Variants in MINAR1 observed in about 807,000 individuals in gnomAD.
MINAR1 encodes the protein major intrinsically disordered Notch2-binding receptor 1.
In MINAR1, 40 loss-of-function variants were observed where a neutral mutation model predicts 65.1. The ratio of observed to expected loss-of-function variants is 0.61; its 90% confidence interval spans 0.48 to 0.80. MINAR1 has a LOEUF of 0.80. Ranked by LOEUF, MINAR1 falls within the 30% of genes least tolerant of loss-of-function variation. MINAR1 has a pLI of 0.00. For missense variants in MINAR1, 1,128 were observed against 1,148.0 expected, an observed-to-expected ratio of 0.98 and a Z score of 0.25; for synonymous variants, 482 against 449.1, an observed-to-expected ratio of 1.07 and a Z score of -0.93.
intron 3 of MINAR1, among the ~76,000 whole-genome samples, chr15:79,466,003 TGGGAAGCTCA>T (rs1895837461): frequency 6.6e-6 from 1 of 152,078 alleles, no homozygotes; most frequent in South Asian, 2.1e-4. Context: ...GGAACTGCTC[TGGGAAGCTCA>T]GGGAAGAGGC....
Position 79,463,230 on chromosome 15 carries a change from C to T in MINAR1, c.2462C>T (p.Ala821Val), listed in dbSNP as rs1030523945. ...LYTDMRLTEL[A>V]EVKRGQPSWT... ...ACAGACATGCGGCTGACCGAGTTGGCCGAGGTGAAGCGGGGCCAACCTTCT... is the reference window on the plus strand; with the variant it reads ...ACAGACATGCGGCTGACCGAGTTGGTCGAGGTGAAGCGGGGCCAACCTTCT... Residue 821 changes from alanine to valine, a missense_variant, in exon 3 of 4, where the codon GCC (alanine) becomes GTC (valine). Transcript: ENST00000305428. The T allele has an allele frequency of 1.2e-6, 2 of 1,614,092 alleles. No homozygotes were observed. The highest frequency in any genetic ancestry group is 1.7e-6 in the Non-Finnish European group (2 of 1,180,046).
chr15:79,443,400 G>C (rs1191114661), intron 1 of MINAR1, among the ~76,000 whole-genome samples: 1 of 152,176 alleles, frequency 6.6e-6, no homozygotes, highest in Non-Finnish European at 1.5e-5. Flanking sequence ...AGGTCCTCCT[G>C]GTTTCACCAG....
intron 1 of MINAR1, among the ~76,000 whole-genome samples, chr15:79,433,408 G>C (rs921141244): frequency 6.6e-6 from 1 of 152,166 alleles, no homozygotes; most frequent in Non-Finnish European, 1.5e-5. Flanking sequence ...TTAATTCAGC[G>C]GGAATTAAGT....
In MINAR1 at chr15:79,463,156, C is replaced by T. The variant is rs370781880; in HGVS notation, c.2388C>T (p.His796=). 2.2e-5 allele frequency: 35 copies of T among 1,614,120 alleles called. No individual in the cohort carries two copies. The highest frequency in any genetic ancestry group is 1.6e-4 in the Middle Eastern group (1 of 6,084). The part of the protein sequence containing the change: ...GFLVEQVFSP[H]PYPASLKAHM... Reference sequence around the variant, plus strand: ...TGGTGGAGCAGGTGTTCAGCCCTCACCCCTACCCTGCCTCCCTCAAGGCCC... The same window carrying T: ...TGGTGGAGCAGGTGTTCAGCCCTCATCCCTACCCTGCCTCCCTCAAGGCCC... Residue 796 remains histidine (H), a synonymous_variant, in exon 3 of 4, where the codon CAC becomes CAT. Coordinates refer to ENST00000305428, the MANE Select transcript of MINAR1 (RefSeq NM_015206.3).
upstream of MINAR1, among the ~76,000 whole-genome samples, chr15:79,428,288 C>CTCCT: frequency 3.3e-5 from 4 of 120,946 alleles, no homozygotes; most frequent in African/African-American, 1.3e-4. Context: ...CTCTCCCTCC[C>CTCCT]TCCCTCCTTC....
chr15:79,452,737 T>TGA (rs1399399782), intron 1 of MINAR1, among the ~76,000 whole-genome samples: 2 of 112,486 alleles, frequency 1.8e-5, no homozygotes, highest in South Asian at 5.9e-4. Context: ...TCTGTGTGGG[T>TGA]GTGTGGGGGG....
intron 2 of MINAR1, among the ~76,000 whole-genome samples, chr15:79,459,965 A>T (rs1895589983): frequency 6.6e-6 from 1 of 152,224 alleles, no homozygotes; most frequent in Admixed American, 6.5e-5. Flanking sequence ...ATCATTGAAC[A>T]GTGGCCATTT....
intron 3 of MINAR1, among the ~76,000 whole-genome samples, chr15:79,467,723 TAGA>T (rs1895921245): frequency 6.6e-6 from 1 of 152,228 alleles, no homozygotes. Context: ...GATTTTTCAG[TAGA>T]AGCTTTTCTG....
At position 79,457,638 on chromosome 15, in the gene MINAR1, G is replaced by C; in HGVS notation, c.1491G>C (p.Lys497Asn). The C allele has an allele frequency of 6.2e-7, 1 of 1,614,170 alleles. No individual in the cohort carries two copies. The highest frequency in any genetic ancestry group is 8.5e-7 in the Non-Finnish European group (1 of 1,180,026). The stretch of plus-strand genomic sequence containing the variant: ...ACCTGTGCACCTCTGGTCAGGGCAA[G>C]TACAGTGACAGGCACACCATGAAGC... ...CRDLCTSGQGKYSDRHTMKHS... is the reference protein window; with the variant it reads ...CRDLCTSGQGNYSDRHTMKHS... The change falls in exon 2 of 4, where the codon AAG (lysine) becomes AAC (asparagine). Residue 497 changes from lysine to asparagine, a missense_variant. Physicochemically the swap from Lys to Asn is moderately conservative, Grantham distance 94. Coordinates refer to ENST00000305428, the MANE Select transcript of MINAR1 (RefSeq NM_015206.3).
At chr15:79,425,162 C>G in the MINAR1 span, 1 of 152,140 alleles carries the variant, frequency 6.6e-6, no homozygotes, top group African/African-American at 2.4e-5. Flanking sequence ...ACCTCCGTCC[C>G]CCAAGTAGCT....
At chr15:79,440,881 G>A (rs547206055) in intron 1 of MINAR1, among the ~76,000 whole-genome samples, 1 of 151,870 alleles carries the variant, frequency 6.6e-6, no homozygotes, top group Admixed American at 6.6e-5. Flanking sequence ...CTTATTATCT[G>A]TCTCCCCCAC....
intron 2 of MINAR1, among the ~76,000 whole-genome samples, chr15:79,461,487 A>C (rs998473534): frequency 2.1e-4 from 32 of 152,358 alleles, no homozygotes; most frequent in African/African-American, 6.7e-4. Flanking sequence ...CAGACTCTGC[A>C]TGCAATAGGA....
At position 79,458,425 on chromosome 15, in the gene MINAR1, T is replaced by A. The variant is rs761742913; in HGVS notation, c.2278T>A (p.Trp760Arg). ...KDTGPGDNKDWHRKSKEADRQ... is the reference protein window; with the variant it reads ...KDTGPGDNKDRHRKSKEADRQ... Reference sequence around the variant, plus strand: ...CACAGGCCCAGGAGATAATAAAGACTGGCATCGGAAATCTAAAGAGGTAAT... The same window carrying A: ...CACAGGCCCAGGAGATAATAAAGACAGGCATCGGAAATCTAAAGAGGTAAT... The change falls in exon 2 of 4, where the codon TGG (tryptophan) becomes AGG (arginine). Residue 760 changes from tryptophan (W) to arginine (R), a missense_variant. Transcript: ENST00000305428. 7 of 1,610,482 alleles carry A rather than the reference T, an allele frequency of 4.3e-6. No homozygotes were observed. In the Admixed American group the frequency reaches 1.0e-4, roughly 23 times the overall value.
chr15:79,460,817 C>T (rs1895617539), intron 2 of MINAR1, among the ~76,000 whole-genome samples: 1 of 152,196 alleles, frequency 6.6e-6, no homozygotes, highest in African/African-American at 2.4e-5. Context: ...TTGACTGGAC[C>T]CTGCTCTACC....
Position 79,458,325 on chromosome 15 carries a change from C to T in MINAR1, c.2178C>T (p.Ile726=), listed in dbSNP as rs1294930098. 6.2e-7 allele frequency: 1 copy of T among 1,614,174 alleles called. No homozygotes were observed. The highest frequency in any genetic ancestry group is 8.5e-7 in the Non-Finnish European group (1 of 1,180,030). Residue 726 remains isoleucine, a synonymous_variant, in exon 2 of 4, where the codon ATC becomes ATT. Transcript: ENST00000305428. ...NSATESKIAS[I]SNSPRDWRTI... is the part of the protein sequence containing the mutation. ...CCACAGAGTCCAAAATTGCCAGCAT[C>T]TCCAACTCGCCCAGAGACTGGCGCA...
chr15:79,411,602 G>A, the MINAR1 span: 4 of 667,898 alleles, frequency 6.0e-6, no homozygotes, highest in Non-Finnish European at 8.2e-6. Context: ...ACCATGCACT[G>A]GGACTAGCTC....
At chr15:79,419,667 A>T in the MINAR1 span, 1 of 152,242 alleles carries the variant, frequency 6.6e-6, no homozygotes, top group East Asian at 1.9e-4. Flanking sequence ...GATCTTGGAA[A>T]TGAAAACATG....
At chr15:79,444,411 GTTTA>G (rs1455048639) in intron 1 of MINAR1, among the ~76,000 whole-genome samples, 4 of 151,914 alleles carry the variant, frequency 2.6e-5, no homozygotes, top group East Asian at 1.9e-4. Context: ...TGATGGTAAT[GTTTA>G]TTTGTTTTCT....
At chr15:79,455,451 G>A (rs1384385016) in intron 1 of MINAR1, among the ~76,000 whole-genome samples, 5 of 152,070 alleles carry the variant, frequency 3.3e-5, no homozygotes, top group Non-Finnish European at 1.5e-5. Context: ...AGAGTCCTGT[G>A]AGTTTTGACA....
Sources: allele counts gnomAD v4.1 joint callset (sites outside exome capture counted in the v4.1 genomes callset), GRCh38; gene constraint gnomAD v4.1.1; transcripts MANE v1.5; gene names NCBI Gene and HGNC (gene_info 2026-07-23, HGNC 2026-07-21).